ATF6: variants seen among roughly 807,000 people sequenced by gnomAD.
ATF6 encodes the protein activating transcription factor 6.
ATF6 carries 53 observed loss-of-function variants against 83.6 expected under a neutral mutation model. The ratio of observed to expected loss-of-function variants is 0.63; its 90% CI spans 0.51 to 0.80. The LOEUF is 0.80. Ranked by LOEUF, ATF6 falls within the 30% of genes least tolerant of loss-of-function variation. The pLI is 0.00. For missense variants in ATF6, 744 were observed against 797.9 expected (o/e 0.93, Z 0.81); for synonymous variants, 288 against 285.8 (o/e 1.01, Z -0.08).
At chr1:161,942,208 T>A (rs1287228356) in intron 15 of ATF6, among the ~76,000 whole-genome samples, 1 of 152,182 alleles carries the variant, frequency 6.6e-6, no homozygotes, top group African/African-American at 2.4e-5. Context: ...TCAGCCCTCA[T>A]ACCATCACAG....
chr1:161,956,229 G>A (rs1241198937), intron 15 of ATF6, among the ~76,000 whole-genome samples: 1 of 152,144 alleles, frequency 6.6e-6, no homozygotes, highest in Non-Finnish European at 1.5e-5. Flanking sequence ...TTAGTAATGT[G>A]TATTGCATGT....
chr1:161,795,137 TA>T lies in ATF6; in HGVS notation c.688+2820del, dbSNP rs984109361. ...GAATAATCACTATACTGTATCGCCT[TA>T]AAAAAAAAATGACAGATGTATTCCT... On this transcript the variant is annotated intron_variant, in intron 6 of 15. Transcript: ENST00000367942. Among the ~76,000 whole-genome samples the T allele has an allele frequency of 1.1e-4, 17 of 148,864 alleles. No homozygotes were observed. In the East Asian group the frequency reaches 1.2e-3, roughly 10 times the overall value.
rs1046816438 is a variant in ATF6 at position 161,831,174 on chromosome 1, G to A, written c.1187+10013G>A. Among the ~76,000 whole-genome samples the A allele has an allele frequency of 1.9e-4, 29 of 152,186 alleles. 1 individual carries two copies. Among genetic ancestry groups the A allele is most frequent in the African/African-American group, 6.5e-4 (27 of 41,448 alleles). ...CTTCTCAAAAGAAGACATTTATGCA[G>A]CCAAAAGACACATGAAAAAATGCTC... is the stretch of plus-strand genomic sequence containing the variant. On this transcript the variant is annotated intron_variant, in intron 9 of 15. Transcript: ENST00000367942.
At chr1:161,946,489 A>C (rs1688749837) in intron 15 of ATF6, among the ~76,000 whole-genome samples, 1 of 152,252 alleles carries the variant, frequency 6.6e-6, no homozygotes, top group Admixed American at 6.5e-5. Context: ...GAGTTCAAAA[A>C]GTCAAAATGA....
chr1:161,925,298 CA>C (rs1350523241), intron 15 of ATF6, among the ~76,000 whole-genome samples: 2 of 152,122 alleles, frequency 1.3e-5, no homozygotes, highest in Non-Finnish European at 2.9e-5. Context: ...TTGGTGAAAC[CA>C]AGGTGTTTTT....
intron 12 of ATF6, among the ~76,000 whole-genome samples, chr1:161,857,965 C>T (rs1473972421): frequency 1.3e-5 from 2 of 152,100 alleles, no homozygotes; most frequent in African/African-American, 4.8e-5. Context: ...TAGAGCCAGG[C>T]ACGGTGGCTT....
chr1:161,790,767 C>G (rs1466710982), intron 4 of ATF6, among the ~76,000 whole-genome samples: 1 of 151,872 alleles, frequency 6.6e-6, no homozygotes, highest in Non-Finnish European at 1.5e-5. Context: ...GCTGAGATTG[C>G]GTCACTGCAC....
intron 10 of ATF6, among the ~76,000 whole-genome samples, chr1:161,851,062 T>A (rs145122271): frequency 6.6e-6 from 1 of 152,116 alleles, no homozygotes; most frequent in Non-Finnish European, 1.5e-5. Context: ...TCTTCCATGA[T>A]CCCATAGTTT....
intron 15 of ATF6, among the ~76,000 whole-genome samples, chr1:161,948,910 C>G (rs972646057): frequency 5.9e-5 from 9 of 152,326 alleles, no homozygotes; most frequent in Middle Eastern, 3.4e-3. Flanking sequence ...TAAAAAGCAG[C>G]CAAGTTCAGC....
intron 14 of ATF6, among the ~76,000 whole-genome samples, chr1:161,906,320 G>A (rs1687877630): frequency 6.6e-6 from 1 of 152,068 alleles, no homozygotes; most frequent in African/African-American, 2.4e-5. Context: ...GGATGCTACT[G>A]TCTTATCGGA....
rs575778736 is a variant in ATF6, at chr1:161,788,225, T to C, written c.355-3183T>C. ...TTCTCTCCTGATACTTGGCATTGTC[T>C]GCCTTTTTAATTTTTACTCCATGGC... On this transcript the variant is annotated intron_variant, in intron 4 of 15. Coordinates refer to ENST00000367942, the MANE Select transcript of ATF6 (RefSeq NM_007348.4). Among the ~76,000 whole-genome samples, 3 of 152,372 alleles carry C rather than the reference T, an allele frequency of 2.0e-5. No individual in the cohort carries two copies. In the South Asian group the frequency reaches 6.2e-4, roughly 32 times the overall value.
At chr1:161,893,103 T>C (rs1687592696) in intron 14 of ATF6, among the ~76,000 whole-genome samples, 2 of 152,250 alleles carry the variant, frequency 1.3e-5, no homozygotes, top group African/African-American at 4.8e-5. Context: ...GTGAGTCTAT[T>C]CTAACCTATG....
At chr1:161,945,352 T>C (rs528321889) in intron 15 of ATF6, among the ~76,000 whole-genome samples, 88 of 152,354 alleles carry the variant, frequency 5.8e-4, no homozygotes, top group Non-Finnish European at 1.2e-3. Context: ...TAGGAATTAA[T>C]CTCTTTATTT....
At position 161,783,995 on chromosome 1, in the gene ATF6, G is replaced by C. The variant is rs1684691875; in HGVS notation, c.253G>C (p.Asp85His). 1.9e-6 allele frequency: 3 copies of C among 1,608,408 alleles called. No individual in the cohort carries two copies. The highest frequency in any genetic ancestry group is 1.1e-5 in the South Asian group (1 of 90,900). ...CTTTCCTCCATGTTTTCCAGTTAAAGATATTAAGGCAGAACCTCAGCCACT... is the reference window on the plus strand; with the variant it reads ...CTTTCCTCCATGTTTTCCAGTTAAACATATTAAGGCAGAACCTCAGCCACT... ...DINNQICTVK[D>H]IKAEPQPLSP... Residue 85 changes from aspartate to histidine, a missense_variant, in exon 4 of 16, where the codon GAT becomes CAT. Transcript: ENST00000367942.
intron 10 of ATF6, among the ~76,000 whole-genome samples, chr1:161,847,241 TA>T (rs748656988): frequency 5.9e-5 from 9 of 151,772 alleles, no homozygotes; most frequent in Non-Finnish European, 1.2e-4. Flanking sequence ...GGTCCTTGAC[TA>T]ACAAGGCAAA....
At position 161,875,743 on chromosome 1, in the gene ATF6, G is replaced by A. The variant is rs113248291; in HGVS notation, c.1719+12431G>A. 9.8e-3 allele frequency among the ~76,000 whole-genome samples: 1,490 copies of A among 151,920 alleles called. 8 individuals carry two copies. Among genetic ancestry groups the A allele is most frequent in the South Asian group, 0.017 (82 of 4,818 alleles). ...TGGTGTTCCATGAAGAAAGTAGCTA[G>A]TGCAGCTCACAACTCAGTTACACAA... On this transcript the variant is annotated intron_variant, in intron 14 of 15. Coordinates refer to ENST00000367942, the MANE Select transcript of ATF6 (RefSeq NM_007348.4).
At chr1:161,821,340 G>C (rs933483664) in intron 9 of ATF6, among the ~76,000 whole-genome samples, 179 bp downstream of exon 9, 1 of 152,194 alleles carries the variant, frequency 6.6e-6, no homozygotes, top group East Asian at 1.9e-4. Flanking sequence ...GAGACAAGTA[G>C]AAGGATGACT....
intron 15 of ATF6, among the ~76,000 whole-genome samples, chr1:161,919,032 G>A (rs1170354502): frequency 6.6e-6 from 1 of 152,142 alleles, no homozygotes; most frequent in East Asian, 1.9e-4. Flanking sequence ...AGTAGGATAT[G>A]GGTGTGAAAT....
intron 15 of ATF6, among the ~76,000 whole-genome samples, chr1:161,935,639 G>A (rs186975608): frequency 5.8e-4 from 88 of 152,278 alleles, no homozygotes; most frequent in Admixed American, 1.3e-3. Context: ...AAATGTAATT[G>A]CTGTTTTCGC....
Sources: gnomAD v4.1 joint callset for allele counts (sites outside exome capture counted in the v4.1 genomes callset) on GRCh38, gnomAD v4.1.1 for gene constraint, MANE v1.5 for transcripts, NCBI Gene and HGNC (gene_info 2026-07-23, HGNC 2026-07-21) for gene names.